Variants in KIAA1755 observed in about 807,000 individuals in gnomAD.
KIAA1755 encodes KIAA1755, also known as uncharacterized protein KIAA1755.
Under a neutral mutation model 91.7 loss-of-function variants are expected in KIAA1755, and 68 were observed. The ratio of observed to expected loss-of-function variants is 0.74; its 90% confidence interval spans 0.61 to 0.91. The LOEUF (loss-of-function observed/expected upper bound fraction) is 0.91. KIAA1755 is among the 40% of genes least tolerant of loss of function. The probability of loss-of-function intolerance (pLI) is 0.00; values close to 1 mark genes in which losing one functional copy is unlikely to be tolerated. For synonymous variants in KIAA1755, 610 were observed against 604.6 expected (o/e 1.01, Z -0.13); for missense variants, 1,535 against 1,494.4 (o/e 1.03, Z -0.45).
chr20:38,256,126 C>G (rs1010898003), intron 1 of KIAA1755, among the ~76,000 whole-genome samples: 7 of 152,230 alleles, frequency 4.6e-5, no homozygotes, highest in Non-Finnish European at 1.0e-4. Flanking sequence ...GGGTATGACC[C>G]TGGGCACATA....
rs1027765656 is a variant in KIAA1755, at chr20:38,220,378, G to A, written c.2418-610C>T. ...CACCCAGGCTAGAGTGCAGTGGCGC[G>A]ATCTCCATTCACTGCAACCTCTGCC... On this transcript the variant is annotated intron_variant, in intron 10 of 13. Transcript: ENST00000279024. Among the ~76,000 whole-genome samples, 13 of 149,826 alleles carry A rather than the reference G, an allele frequency of 8.7e-5. No homozygotes were observed. The South Asian group carries it at 1.5e-3, about 17-fold the overall frequency.
chr20:38,214,483 T>C (rs1185522516), intron 13 of KIAA1755, among the ~76,000 whole-genome samples: 1 of 152,240 alleles, frequency 6.6e-6, no homozygotes, highest in Non-Finnish European at 1.5e-5. Context: ...CAGGCAGGAT[T>C]GCACTGAACT....
chr20:38,246,673 A>G (rs1445955060), intron 1 of KIAA1755, among the ~76,000 whole-genome samples: 1 of 152,174 alleles, frequency 6.6e-6, no homozygotes, highest in African/African-American at 2.4e-5. Flanking sequence ...TCACACAGCA[A>G]TAACTGATAC....
intron 4 of KIAA1755, 46 bp downstream of exon 4, chr20:38,239,482 G>T (rs1047395788): frequency 6.3e-7 from 1 of 1,582,008 alleles, no homozygotes; most frequent in Non-Finnish European, 8.7e-7. Context: ...ATGCTCTGGG[G>T]CCCCCAGCTC....
At chr20:38,218,761 G>A (rs533796355) in intron 11 of KIAA1755, among the ~76,000 whole-genome samples, 1 of 152,316 alleles carries the variant, frequency 6.6e-6, no homozygotes, top group South Asian at 2.1e-4. Context: ...GCGTGCACAT[G>A]CAAACAGTGC....
intron 10 of KIAA1755, among the ~76,000 whole-genome samples, chr20:38,220,907 G>C (rs1037339263): frequency 6.6e-6 from 1 of 152,192 alleles, no homozygotes; most frequent in African/African-American, 2.4e-5. Context: ...AATGCTCAAA[G>C]CCACAAGTCA....
Position 38,240,666 on chromosome 20 carries a change from C to A in KIAA1755, c.1465G>T (p.Ala489Ser). The A allele has an allele frequency of 6.5e-7, 1 of 1,542,088 alleles. No individual in the cohort carries two copies. Among genetic ancestry groups the A allele is most frequent in the Non-Finnish European group, 8.7e-7 (1 of 1,146,112 alleles). ...QRQPSVTPEKASLQHNGPWKV... is the reference protein window; with the variant it reads ...QRQPSVTPEKSSLQHNGPWKV... Reference sequence around the variant, plus strand: ...CAGGGCCCATTGTGCTGGAGTGAGGCTTTCTCCGGGGTCACAGAGGGTTGC... The same window carrying A: ...CAGGGCCCATTGTGCTGGAGTGAGGATTTCTCCGGGGTCACAGAGGGTTGC... The change falls in exon 3 of 14, where the codon GCC becomes TCC. Residue 489 changes from alanine to serine, a missense_variant. Ala to Ser is a moderately conservative substitution (Grantham distance 99). Transcript: ENST00000279024.
intron 1 of KIAA1755, among the ~76,000 whole-genome samples, chr20:38,251,453 G>A (rs907067735): frequency 6.6e-6 from 1 of 152,038 alleles, no homozygotes; most frequent in Non-Finnish European, 1.5e-5. Context: ...GTAGTGCAGA[G>A]GGACATAGAA....
chr20:38,245,454 T>A (rs1050549493), intron 2 of KIAA1755, among the ~76,000 whole-genome samples: 1 of 152,198 alleles, frequency 6.6e-6, no homozygotes, highest in Admixed American at 6.5e-5. Context: ...AAAACACTTT[T>A]CTCTCCACTT....
chr20:38,210,591 A>G lies in KIAA1755; in HGVS notation c.*2451T>C, dbSNP rs1454021898. The stretch of plus-strand genomic sequence containing the variant: ...CCCTTCTTCCCCAGGGGATGCAGTG[A>G]GGGGAGAGATTGTTGGGGTACAGTT... On this transcript the variant is annotated 3_prime_UTR_variant, in exon 14 of 14. Transcript: ENST00000279024. 1 of 152,218 alleles carries G rather than the reference A, an allele frequency of 6.6e-6. No homozygotes were observed. The highest frequency in any genetic ancestry group is 2.4e-5 in the African/African-American group (1 of 41,446). The allele number at this position is 152,218 out of a possible 1,614,324, so 9.4% of individuals were successfully genotyped here.
chr20:38,246,692 G>T (rs1459860646), intron 1 of KIAA1755, among the ~76,000 whole-genome samples: 1 of 152,064 alleles, frequency 6.6e-6, no homozygotes, highest in Non-Finnish European at 1.5e-5. Context: ...ACAAGTCCAC[G>T]GCTGCAGACT....
chr20:38,246,578 C>T (rs1249618399), intron 1 of KIAA1755, among the ~76,000 whole-genome samples: 1 of 152,208 alleles, frequency 6.6e-6, no homozygotes, highest in Non-Finnish European at 1.5e-5. Context: ...AAGCCCAGCC[C>T]AGACCAGACA....
chr20:38,247,719 C>G (rs1272899112), intron 1 of KIAA1755, among the ~76,000 whole-genome samples: 1 of 152,152 alleles, frequency 6.6e-6, no homozygotes, highest in African/African-American at 2.4e-5. Context: ...AACAAGGAGA[C>G]CATCCTGGAT....
intron 13 of KIAA1755, chr20:38,216,776 G>A: frequency 6.5e-6 from 3 of 459,212 alleles, no homozygotes; most frequent in South Asian, 1.5e-5. Context: ...GTCAAGTAAG[G>A]TGTGTGAAGT....
At chr20:38,225,390 A>G (rs1194330129) in intron 8 of KIAA1755, among the ~76,000 whole-genome samples, 2 of 152,138 alleles carry the variant, frequency 1.3e-5, no homozygotes, top group African/African-American at 4.8e-5. Context: ...AGGAGGTACT[A>G]TTATTATCCC....
At chr20:38,253,687 C>T (rs2076290990) in intron 1 of KIAA1755, among the ~76,000 whole-genome samples, 1 of 152,162 alleles carries the variant, frequency 6.6e-6, no homozygotes, top group East Asian at 1.9e-4. Flanking sequence ...GGGGCAGGGG[C>T]CTCGTAAGGC....
Position 38,241,169 on chromosome 20 carries a change from A to G in KIAA1755, c.962T>C (p.Leu321Pro). 1 of 1,614,198 alleles carries G rather than the reference A, an allele frequency of 6.2e-7. No homozygotes were observed. The highest frequency in any genetic ancestry group is 8.5e-7 in the Non-Finnish European group (1 of 1,180,028). ...TKETPLFQKI[L>P]PLSEANEGPS... is the part of the protein sequence containing the mutation. ...TCCTTCATTGGCCTCTGAGAGAGGC[A>G]GTATCTTTTGAAATAAGGGAGTTTC... Residue 321 changes from leucine (L) to proline (P), a missense_variant, in exon 3 of 14, where the codon CTG (leucine) becomes CCG (proline). Transcript: ENST00000279024.
At chr20:38,250,671 A>G (rs1004094901) in intron 1 of KIAA1755, among the ~76,000 whole-genome samples, 2 of 152,084 alleles carry the variant, frequency 1.3e-5, no homozygotes, top group Non-Finnish European at 2.9e-5. Flanking sequence ...GGCTGCTTCT[A>G]CGAGGAGGTT....
Position 38,212,882 on chromosome 20 carries a change from G to A in KIAA1755, c.*160C>T. On this transcript the variant is annotated 3_prime_UTR_variant, in exon 14 of 14. Transcript: ENST00000279024. Reference sequence around the variant, plus strand: ...TCTTCCAGGAGTTTTCTGGAGCCAGGGGCAGGTCGACAGTTCTCATCCTCC... The same window carrying A: ...TCTTCCAGGAGTTTTCTGGAGCCAGAGGCAGGTCGACAGTTCTCATCCTCC... 1 of 574,038 alleles carries A rather than the reference G, an allele frequency of 1.7e-6. No individual in the cohort carries two copies. Among genetic ancestry groups the A allele is most frequent in the Non-Finnish European group, 3.0e-6 (1 of 336,844 alleles). 35.6% of individuals were successfully genotyped at this position (574,038 alleles called of 1,614,324 possible).
Sources: allele counts gnomAD v4.1 joint callset (sites outside exome capture counted in the v4.1 genomes callset), GRCh38; gene constraint gnomAD v4.1.1; transcripts MANE v1.5; gene names NCBI Gene and HGNC (gene_info 2026-07-23, HGNC 2026-07-21).